Variants in PPM1H observed in about 807,000 individuals in gnomAD.
The protein encoded by PPM1H is protein phosphatase, Mg2+/Mn2+ dependent 1H, also known as protein phosphatase 1H.
PPM1H carries 27 observed loss-of-function variants against 54.9 expected under a neutral mutation model. The observed-to-expected ratio is 0.49, with a 90% CI of 0.36 to 0.68. The LOEUF (loss-of-function observed/expected upper bound fraction) is 0.68. Among genes scored for constraint, PPM1H ranks in the 30% least tolerant of loss-of-function variants. The probability of loss-of-function intolerance (pLI) is 0.00; values close to 1 mark genes in which losing one functional copy is unlikely to be tolerated. For synonymous variants in PPM1H, 305 were observed against 270.8 expected (o/e 1.13, Z -1.24); for missense variants, 596 against 667.8 (o/e 0.89, Z 1.19).
At chr12:62,723,293 C>T (rs2076273084) in intron 5 of PPM1H, among the ~76,000 whole-genome samples, 1 of 148,306 alleles carries the variant, frequency 6.7e-6, no homozygotes, top group Non-Finnish European at 1.5e-5. Flanking sequence ...TTCACAATAT[C>T]AGAAAGTTAA....
intron 5 of PPM1H, among the ~76,000 whole-genome samples, chr12:62,726,861 A>C (rs1013645218): frequency 6.6e-6 from 1 of 152,190 alleles, no homozygotes; most frequent in African/African-American, 2.4e-5. Context: ...ATAAGCAATA[A>C]GCCCAAAGTC....
At chr12:62,764,135 G>C (rs73130042) in intron 4 of PPM1H, among the ~76,000 whole-genome samples, 1 of 151,974 alleles carries the variant, frequency 6.6e-6, no homozygotes, top group Admixed American at 6.6e-5. Context: ...GTGAATTTCC[G>C]TCCAGACAAT....
At chr12:62,742,205 T>A (rs1021272653) in intron 4 of PPM1H, among the ~76,000 whole-genome samples, 1 of 152,248 alleles carries the variant, frequency 6.6e-6, no homozygotes, top group African/African-American at 2.4e-5. Flanking sequence ...AGTTTATTAC[T>A]TTCTTAAATA....
At chr12:62,892,735 G>C (rs568638427) in intron 1 of PPM1H, among the ~76,000 whole-genome samples, 3 of 152,154 alleles carry the variant, frequency 2.0e-5, no homozygotes, top group Non-Finnish European at 4.4e-5. Flanking sequence ...TTGCCATCTA[G>C]TCAATGGTGA....
At chr12:62,784,529 A>T (rs950941650) in intron 4 of PPM1H, among the ~76,000 whole-genome samples, 1 of 151,236 alleles carries the variant, frequency 6.6e-6, no homozygotes, top group African/African-American at 2.4e-5. Context: ...GTCAAGATGT[A>T]AAAAAAAAGC....
At chr12:62,720,039 C>G in intron 6 of PPM1H, 132 bp downstream of exon 6, 1 of 743,794 alleles carries the variant, frequency 1.3e-6, no homozygotes, top group East Asian at 2.6e-5. Flanking sequence ...GGTGTACCCC[C>G]TTGTCTTTTA....
At chr12:62,921,652 G>A (rs1157997259) in intron 1 of PPM1H, among the ~76,000 whole-genome samples, 1 of 152,162 alleles carries the variant, frequency 6.6e-6, no homozygotes, top group Non-Finnish European at 1.5e-5. Flanking sequence ...AAGTGTGGTG[G>A]TGCCCACTCA....
intron 1 of PPM1H, among the ~76,000 whole-genome samples, chr12:62,874,066 C>T (rs906713327): frequency 2.0e-5 from 3 of 152,130 alleles, no homozygotes; most frequent in African/African-American, 7.2e-5. Context: ...TGAGATATTC[C>T]ACAGGCAGAT....
At chr12:62,863,347 A>ACC (rs1869670290) in intron 1 of PPM1H, among the ~76,000 whole-genome samples, 1 of 152,134 alleles carries the variant, frequency 6.6e-6, no homozygotes, top group Admixed American at 6.5e-5. Flanking sequence ...TTTAAGTAAA[A>ACC]ATGATTATAA....
intron 1 of PPM1H, among the ~76,000 whole-genome samples, chr12:62,860,360 C>G (rs1201836279): frequency 6.6e-6 from 1 of 152,042 alleles, no homozygotes; most frequent in Non-Finnish European, 1.5e-5. Flanking sequence ...GGTGGGGACA[C>G]AGCCAAACCA....
intron 1 of PPM1H, among the ~76,000 whole-genome samples, chr12:62,918,749 C>T (rs1366527538): frequency 6.6e-6 from 1 of 152,090 alleles, no homozygotes; most frequent in Non-Finnish European, 1.5e-5. Context: ...AAATAGAATA[C>T]AATGCAGCTA....
At chr12:62,676,651 G>A (rs1592537507) in intron 8 of PPM1H, among the ~76,000 whole-genome samples, 1 of 152,282 alleles carries the variant, frequency 6.6e-6, no homozygotes, top group East Asian at 1.9e-4. Context: ...GTGTGTGGGG[G>A]CTTGGGGCAG....
chr12:62,876,927 T>C (rs762406502), intron 1 of PPM1H, among the ~76,000 whole-genome samples: 2 of 152,162 alleles, frequency 1.3e-5, no homozygotes, highest in Admixed American at 1.3e-4. Flanking sequence ...ACACCCACAT[T>C]ATGGCTTTCC....
intron 9 of PPM1H, among the ~76,000 whole-genome samples, chr12:62,663,064 T>C (rs2075893947): frequency 6.6e-6 from 1 of 152,170 alleles, no homozygotes; most frequent in Admixed American, 6.5e-5. Context: ...TTTGGCTCAT[T>C]TTGGGGGTGG....
chr12:62,927,662 CA>C (rs57622502), intron 1 of PPM1H, among the ~76,000 whole-genome samples: 1,605 of 75,788 alleles, frequency 0.021, 17 homozygotes, highest in African/African-American at 0.068. Context: ...AACTCCGTCT[CA>C]AAAAAAAAAA....
chr12:62,904,030 C>T (rs553851212), intron 1 of PPM1H, among the ~76,000 whole-genome samples: 4 of 152,062 alleles, frequency 2.6e-5, no homozygotes, highest in South Asian at 2.1e-4. Context: ...GATAGAGAAA[C>T]GTAATACGAA....
At chr12:62,896,955 A>C (rs1454063316) in intron 1 of PPM1H, among the ~76,000 whole-genome samples, 1 of 152,068 alleles carries the variant, frequency 6.6e-6, no homozygotes, top group Non-Finnish European at 1.5e-5. Context: ...TTGTAGGGAC[A>C]TGGATGAAGC....
intron 8 of PPM1H, among the ~76,000 whole-genome samples, chr12:62,669,843 G>A (rs999096936): frequency 2.6e-5 from 4 of 151,764 alleles, no homozygotes; most frequent in African/African-American, 9.7e-5. Context: ...GGAGGCTGAG[G>A]CAGGAGAATT....
intron 3 of PPM1H, among the ~76,000 whole-genome samples, chr12:62,798,577 G>A (rs1368629020): frequency 1.3e-5 from 2 of 151,926 alleles, no homozygotes; most frequent in East Asian, 3.8e-4. Flanking sequence ...TGAAGAGGAA[G>A]CTAGGGCATG....
Sources: gnomAD v4.1 joint callset for allele counts (sites outside exome capture counted in the v4.1 genomes callset) on GRCh38, gnomAD v4.1.1 for gene constraint, MANE v1.5 for transcripts, NCBI Gene and HGNC (gene_info 2026-07-23, HGNC 2026-07-21) for gene names.